Variants in DCC observed in about 807,000 individuals in gnomAD.
DCC encodes DCC netrin 1 receptor, also known as netrin receptor DCC.
A neutral mutation model predicts 172.5 loss-of-function variants in DCC; 58 were observed. The ratio of observed to expected loss-of-function variants is 0.34; its 90% CI spans 0.27 to 0.42. The LOEUF (loss-of-function observed/expected upper bound fraction) is 0.42. Among genes scored for constraint, DCC ranks in the 10% least tolerant of loss-of-function variants. DCC has a pLI of 1.00. For synonymous variants in DCC, 709 were observed against 644.5 expected (o/e 1.10, Z -1.52); for missense variants, 1,740 against 1,791.0 (o/e 0.97, Z 0.51).
chr18:52,865,173 C>T (rs1013861797), intron 2 of DCC, among the ~76,000 whole-genome samples: 2 of 152,060 alleles, frequency 1.3e-5, no homozygotes, highest in African/African-American at 4.8e-5. Context: ...CTGAACTCAC[C>T]CTTTCTTATG....
At chr18:53,412,961 A>T (rs765179696) in intron 20 of DCC, among the ~76,000 whole-genome samples, 8 of 152,144 alleles carry the variant, frequency 5.3e-5, no homozygotes, top group Non-Finnish European at 7.4e-5. Flanking sequence ...TGATTACTTG[A>T]CCACATAGGA....
chr18:52,473,747 A>G (rs1989011943), intron 1 of DCC, among the ~76,000 whole-genome samples: 1 of 152,182 alleles, frequency 6.6e-6, no homozygotes, highest in South Asian at 2.1e-4. Context: ...TATGGGAACT[A>G]CAATTCAAGA....
intron 2 of DCC, among the ~76,000 whole-genome samples, chr18:52,893,254 G>A (rs376096451): frequency 6.6e-6 from 1 of 152,012 alleles, no homozygotes; most frequent in African/African-American, 2.4e-5. Flanking sequence ...TTGAGAAGAG[G>A]GTAGTCCTAT....
chr18:53,211,920 C>T (rs1291763936), intron 11 of DCC, among the ~76,000 whole-genome samples: 1 of 151,868 alleles, frequency 6.6e-6, no homozygotes, highest in African/African-American at 2.4e-5. Context: ...TGGTGGTGCA[C>T]ACCTGTTACC....
At chr18:52,849,210 T>C (rs2038938898) in intron 2 of DCC, among the ~76,000 whole-genome samples, 2 of 152,166 alleles carry the variant, frequency 1.3e-5, no homozygotes, top group Admixed American at 1.3e-4. Context: ...ATTAGTACTG[T>C]CCAGCAGGAA....
intron 2 of DCC, among the ~76,000 whole-genome samples, chr18:52,858,482 T>A (rs545306425): frequency 1.3e-5 from 2 of 152,292 alleles, no homozygotes; most frequent in African/African-American, 4.8e-5. Flanking sequence ...AGGACTGCCC[T>A]AGGATATTAA....
intron 21 of DCC, among the ~76,000 whole-genome samples, chr18:53,431,723 A>T (rs1911632010): frequency 6.6e-6 from 1 of 152,066 alleles, no homozygotes; most frequent in Non-Finnish European, 1.5e-5. Flanking sequence ...ACCTCAAGTG[A>T]TCCACCCTCC....
chr18:53,076,792 C>A (rs1416760821), intron 7 of DCC, among the ~76,000 whole-genome samples: 34 of 152,216 alleles, frequency 2.2e-4, no homozygotes, highest in Non-Finnish European at 3.8e-4. Flanking sequence ...AGTTGGTTTT[C>A]TTAAGGAATA....
chr18:52,654,611 T>A (rs1315151391), intron 1 of DCC, among the ~76,000 whole-genome samples: 1 of 152,178 alleles, frequency 6.6e-6, no homozygotes, highest in African/African-American at 2.4e-5. Context: ...CTAAAGACAC[T>A]GGAAAGATTG....
chr18:53,395,646 T>C (rs1908880298), intron 17 of DCC, among the ~76,000 whole-genome samples: 1 of 152,222 alleles, frequency 6.6e-6, no homozygotes, highest in African/African-American at 2.4e-5. Flanking sequence ...CAGGTTTTTC[T>C]TATTTTTTAT....
chr18:52,494,799 A>C (rs1056183384), intron 1 of DCC, among the ~76,000 whole-genome samples: 1 of 151,906 alleles, frequency 6.6e-6, no homozygotes, highest in African/African-American at 2.4e-5. Context: ...CTGTGGATCT[A>C]TTTGTGTTTG....
At chr18:53,210,657 C>G (rs1159871513) in intron 11 of DCC, among the ~76,000 whole-genome samples, 2 of 152,054 alleles carry the variant, frequency 1.3e-5, no homozygotes, top group Admixed American at 1.3e-4. Flanking sequence ...ATGACTGTGT[C>G]TAAATGCATC....
chr18:53,267,476 T>G (rs1004984874), intron 12 of DCC, among the ~76,000 whole-genome samples: 1 of 152,028 alleles, frequency 6.6e-6, no homozygotes, highest in African/African-American at 2.4e-5. Flanking sequence ...CATGAGCCAC[T>G]GTGCCCGGCC....
At chr18:52,993,812 CTA>C (rs1415245652) in intron 5 of DCC, among the ~76,000 whole-genome samples, 6 of 144,764 alleles carry the variant, frequency 4.1e-5, no homozygotes, top group African/African-American at 1.1e-4. Flanking sequence ...TGAGAATTTT[CTA>C]TGATTTTTTT....
chr18:52,590,003 T>TA (rs201096120), intron 1 of DCC, among the ~76,000 whole-genome samples: 87 of 152,090 alleles, frequency 5.7e-4, no homozygotes, highest in South Asian at 1.7e-3. Context: ...ATGCTTTTTT[T>TA]TAAAAAAAGA....
intron 5 of DCC, among the ~76,000 whole-genome samples, chr18:53,021,682 C>G (rs117533571): frequency 0.019 from 2,951 of 152,230 alleles, 43 homozygotes; most frequent in Middle Eastern, 0.058. Flanking sequence ...TTTTGAAGTT[C>G]AATTGATTGC....
At chr18:52,534,288 A>G (rs1297665533) in intron 1 of DCC, among the ~76,000 whole-genome samples, 7 of 152,162 alleles carry the variant, frequency 4.6e-5, no homozygotes, top group Non-Finnish European at 7.4e-5. Flanking sequence ...GGTAAACTGG[A>G]AACTCACATA....
At chr18:52,460,130 C>T (rs530145146) in intron 1 of DCC, among the ~76,000 whole-genome samples, 145 of 152,272 alleles carry the variant, frequency 9.5e-4, no homozygotes, top group African/African-American at 3.2e-3. Context: ...GTTCTCACTT[C>T]CTGCTTTAGA....
intron 5 of DCC, among the ~76,000 whole-genome samples, chr18:52,995,908 T>A (rs2041470194): frequency 6.6e-6 from 1 of 151,958 alleles, no homozygotes; most frequent in Admixed American, 6.6e-5. Flanking sequence ...TCCTGCTTTT[T>A]TTTTTTCCCA....
Sources: gnomAD v4.1 joint callset for allele counts (sites outside exome capture counted in the v4.1 genomes callset) on GRCh38, gnomAD v4.1.1 for gene constraint, MANE v1.5 for transcripts, NCBI Gene and HGNC (gene_info 2026-07-23, HGNC 2026-07-21) for gene names.